The following DMXL2 variants were observed in gnomAD, a reference collection of about 807,000 sequenced individuals.
The protein encoded by DMXL2 is dmX-like protein 2.
Under a neutral mutation model 331.1 loss-of-function variants are expected in DMXL2, and 103 were observed. That is an observed-to-expected ratio of 0.31 (90% CI 0.27 to 0.37). The LOEUF is 0.37. Among genes scored for constraint, DMXL2 ranks in the 10% least tolerant of loss-of-function variants. The pLI, the probability that DMXL2 is intolerant of heterozygous loss-of-function variation, is 1.00. For synonymous variants in DMXL2, 1,281 were observed against 1,252.1 expected (o/e 1.02, Z -0.49); for missense variants, 3,171 against 3,642.9 (o/e 0.87, Z 3.33).
intron 1 of DMXL2, among the ~76,000 whole-genome samples, chr15:51,617,460 T>C (rs547264460): frequency 2.6e-5 from 4 of 152,308 alleles, no homozygotes; most frequent in African/African-American, 9.6e-5. Context: ...ATGCTCTGAA[T>C]GGCCTATCTA....
rs777326418 is a variant in DMXL2 at position 51,563,421 on chromosome 15, T to C, written c.527A>G (p.Glu176Gly). The C allele has an allele frequency of 2.5e-6, 4 of 1,609,778 alleles. No individual in the cohort carries two copies. In the South Asian group the frequency reaches 4.4e-5, roughly 18 times the overall value. Reference sequence around the variant, plus strand: ...AAAATATTCACCATCAGGAGACCATTCCATCAAATGTACAGATACTGAGGT... The same window carrying C: ...AAAATATTCACCATCAGGAGACCATCCCATCAAATGTACAGATACTGAGGT... ...CKTSVSVHLM[E>G]WSPDGEYFAT... The change falls in exon 6 of 44, where the codon GAA becomes GGA. Residue 176 changes from glutamate (E) to glycine (G), a missense_variant. By Grantham distance (98) the Glu-to-Gly change is moderately conservative. This residue lies in a region of DMXL2 where 1,674 missense variants were observed against 1,780.2 expected (regional missense o/e 0.94). Coordinates refer to ENST00000560891, the MANE Select transcript of DMXL2 (RefSeq NM_001378457.1).
intron 13 of DMXL2, among the ~76,000 whole-genome samples, chr15:51,521,575 T>C (rs2047384647): frequency 1.3e-5 from 2 of 152,102 alleles, no homozygotes; most frequent in African/African-American, 4.8e-5. Flanking sequence ...CAAAGCCTGG[T>C]ATACTATTCC....
intron 1 of DMXL2, among the ~76,000 whole-genome samples, chr15:51,605,039 A>AT (rs2053484491): frequency 8.7e-6 from 1 of 114,730 alleles, no homozygotes; most frequent in Non-Finnish European, 2.0e-5. Flanking sequence ...ATGTTCATAT[A>AT]TCAAAAAAAA....
At chr15:51,478,692 A>C (rs1039196481) in intron 25 of DMXL2, among the ~76,000 whole-genome samples, 1 of 152,188 alleles carries the variant, frequency 6.6e-6, no homozygotes, top group African/African-American at 2.4e-5. Flanking sequence ...AAGCAGAAGA[A>C]AATAAGAATA....
chr15:51,615,479 G>A (rs74382527), intron 1 of DMXL2, among the ~76,000 whole-genome samples: 4,750 of 152,224 alleles, frequency 0.031, 260 homozygotes, highest in African/African-American at 0.11. Flanking sequence ...CCCGTGCACT[G>A]TAGGACGTTT....
At chr15:51,586,808 A>G (rs939742509) in intron 1 of DMXL2, among the ~76,000 whole-genome samples, 1 of 152,168 alleles carries the variant, frequency 6.6e-6, no homozygotes, top group East Asian at 1.9e-4. Flanking sequence ...TGCTCTAATT[A>G]ACCATTATAA....
chr15:51,502,881 T>C lies in DMXL2; in HGVS notation c.2917A>G (p.Ser973Gly). 6.2e-7 allele frequency: 1 copy of C among 1,614,096 alleles called. No individual in the cohort carries two copies. Among genetic ancestry groups the C allele is most frequent in the Non-Finnish European group, 8.5e-7 (1 of 1,180,010 alleles). ...NLQTASKLIL[S>G]SRLVYSQPLD... is the part of the protein sequence containing the mutation. ...GGTTGGCTATACACCAGTCTAGAAC[T>C]CAGAATAAGTTTACTGGCAGTTTGA... Residue 973 changes from serine to glycine, a missense_variant, in exon 17 of 44, where the codon AGT (serine) becomes GGT (glycine). By Grantham distance (56) the Ser-to-Gly change is moderately conservative (BLOSUM62 0). Transcript: ENST00000560891.
At chr15:51,615,845 C>T (rs890160902) in intron 1 of DMXL2, among the ~76,000 whole-genome samples, 11 of 152,184 alleles carry the variant, frequency 7.2e-5, no homozygotes, top group Admixed American at 6.5e-5. Context: ...TGTTTTTGAA[C>T]TACAGCTAAC....
chr15:51,605,282 C>T (rs1268070170), intron 1 of DMXL2, among the ~76,000 whole-genome samples: 12 of 152,206 alleles, frequency 7.9e-5, no homozygotes, highest in Admixed American at 7.8e-4. Context: ...CTCACTGCCA[C>T]CTCTACCTCT....
At position 51,456,321 on chromosome 15, in the gene DMXL2, C is replaced by T. The variant is rs754937594; in HGVS notation, c.8386G>A (p.Val2796Ile). 2.5e-6 allele frequency: 4 copies of T among 1,599,402 alleles called. No individual in the cohort carries two copies. Among genetic ancestry groups the T allele is most frequent in the Admixed American group, 1.8e-5 (1 of 56,458 alleles). Residue 2796 changes from valine (V) to isoleucine (I), a missense_variant, in exon 38 of 44, where the codon GTC (valine) becomes ATC (isoleucine). Transcript: ENST00000560891. ...CATAAATACTTACAGTATTGATGGA[C>T]TGGGTGTGAAGTCATTCTCTTAACA... is the stretch of plus-strand genomic sequence containing the variant. The part of the protein sequence containing the change: ...HNVKRMTSHP[V>I]HQYYLTGAQD...
At chr15:51,614,199 A>G (rs2054149797) in intron 1 of DMXL2, among the ~76,000 whole-genome samples, 1 of 152,204 alleles carries the variant, frequency 6.6e-6, no homozygotes, top group Non-Finnish European at 1.5e-5. Flanking sequence ...TGTACAAGAC[A>G]AGGAGAAAGT....
In DMXL2 at chr15:51,536,155, T is replaced by C. The variant is rs1370578754; in HGVS notation, c.2314+11A>G. ...GCTTGTGTTAATTTCACAATTACAA[T>C]GAACACTTACCTAGACAGTAACTGG... is the stretch of plus-strand genomic sequence containing the variant. On this transcript the variant is annotated intron_variant, in intron 12 of 43. Transcript: ENST00000560891. The C allele has an allele frequency of 2.6e-6, 4 of 1,536,428 alleles. No individual in the cohort carries two copies. Among genetic ancestry groups the C allele is most frequent in the African/African-American group, 1.4e-5 (1 of 71,900 alleles).
Position 51,502,690 on chromosome 15 carries a change from T to C in DMXL2, c.2992+116A>G, listed in dbSNP as rs966937835. 4 of 701,632 alleles carry C rather than the reference T, an allele frequency of 5.7e-6. No individual in the cohort carries two copies. In the African/African-American group the frequency reaches 7.2e-5, roughly 13 times the overall value. 43.5% of individuals were successfully genotyped at this position (701,632 alleles called of 1,614,324 possible). A position where few individuals can be genotyped will look rare whatever the true frequency, so the allele number is the denominator to read the frequency against. ...CATATCATTAATAGAAAATCAATCT[T>C]TATTTTAATGTCAACATAGAACATA... On this transcript the variant is annotated intron_variant, in intron 17 of 43. Coordinates refer to ENST00000560891, the MANE Select transcript of DMXL2 (RefSeq NM_001378457.1).
intron 25 of DMXL2, 29 bp from the exon 26 acceptor site, chr15:51,478,376 T>C (rs999091518): frequency 6.3e-7 from 1 of 1,588,462 alleles, no homozygotes; most frequent in Non-Finnish European, 8.6e-7. Flanking sequence ...CAATTACATT[T>C]TGTACTAACA....
rs569601679 is a variant in DMXL2 at position 51,590,082 on chromosome 15, G to A, written c.88-13901C>T. 2.0e-5 allele frequency among the ~76,000 whole-genome samples: 3 copies of A among 152,284 alleles called. 1 individual carries two copies. The highest frequency in any genetic ancestry group is 4.1e-4 in the South Asian group (2 of 4,828). ...TGAAAGAGCAGCCCTGGCAGACCACGTGATCAACAGTATAAAACTGACTGG... is the reference window on the plus strand; with the variant it reads ...TGAAAGAGCAGCCCTGGCAGACCACATGATCAACAGTATAAAACTGACTGG... On this transcript the variant is annotated intron_variant, in intron 1 of 43. Transcript: ENST00000560891.
At chr15:51,516,084 A>C (rs2047021860) in intron 14 of DMXL2, among the ~76,000 whole-genome samples, 1 of 152,230 alleles carries the variant, frequency 6.6e-6, no homozygotes. Flanking sequence ...GACACTAAAG[A>C]AAATTTATGA....
At position 51,499,651 on chromosome 15, in the gene DMXL2, G is replaced by C; in HGVS notation, c.3573C>G (p.Ile1191Met). 1 of 1,614,032 alleles carries C rather than the reference G, an allele frequency of 6.2e-7. No individual in the cohort carries two copies. Among genetic ancestry groups the C allele is most frequent in the Non-Finnish European group, 8.5e-7 (1 of 1,180,004 alleles). ...HILTVGVGAN[I>M]FMYGRLSGIV... ...TTCCTGAAAGCCTTCCATACATGAA[G>C]ATATTCGCACCGACTCCCACTGTAA... The change falls in exon 18 of 44, where the codon ATC (isoleucine) becomes ATG (methionine). Residue 1191 changes from isoleucine (I) to methionine (M), a missense_variant. Coordinates refer to ENST00000560891, the MANE Select transcript of DMXL2 (RefSeq NM_001378457.1).
intron 14 of DMXL2, among the ~76,000 whole-genome samples, chr15:51,515,731 T>C (rs2046998762): frequency 6.6e-6 from 1 of 152,118 alleles, no homozygotes; most frequent in African/African-American, 2.4e-5. Context: ...GTTGAGCAAA[T>C]ATGAAGTAAA....
chr15:51,449,260 T>C lies in DMXL2; in HGVS notation c.8968-67A>G, dbSNP rs1256153174. 5 of 1,528,512 alleles carry C rather than the reference T, an allele frequency of 3.3e-6. No individual in the cohort carries two copies. The African/African-American group carries it at 5.5e-5, about 17-fold the overall frequency. 94.7% of individuals were successfully genotyped at this position (1,528,512 alleles called of 1,614,324 possible). On this transcript the variant is annotated intron_variant, in intron 43 of 43. Transcript: ENST00000560891. ...ACCAAAAGCAAAAACATGGCCCTTC[T>C]GCTCCCTTGGCCCAAGTGATCTCAC...
Sources: gnomAD v4.1 joint callset for allele counts (sites outside exome capture counted in the v4.1 genomes callset) on GRCh38, gnomAD v4.1.1 for gene constraint, gnomAD v4.1.1 regional missense constraint, MANE v1.5 for transcripts, NCBI Gene and HGNC (gene_info 2026-07-23, HGNC 2026-07-21) for gene names.